Variants in PASD1 observed in about 807,000 individuals in gnomAD.
PASD1 encodes the protein circadian clock protein PASD1.
PASD1 carries 13 observed loss-of-function variants against 58.8 expected under a neutral mutation model. The observed-to-expected ratio is 0.22, with a 90% CI of 0.14 to 0.35. PASD1 has a LOEUF of 0.35. PASD1 is among the 10% of genes least tolerant of loss of function. PASD1 has a pLI of 1.00. For synonymous variants in PASD1, 236 were observed against 216.7 expected (o/e 1.09, Z -0.78); for missense variants, 734 against 568.3 (o/e 1.29, Z -2.96).
chrX:151,672,279 CAGAAGAAGATGCAGG>C lies in PASD1; in HGVS notation c.1544_1558del (p.Met515_Lys519del). 8.6e-7 allele frequency: 1 copy of C among 1,167,534 alleles called. No individual in the cohort carries two copies. Among genetic ancestry groups the C allele is most frequent in the East Asian group, 3.2e-5 (1 of 30,783 alleles). On this transcript the variant is annotated inframe_deletion, in exon 14 of 16. Coordinates refer to ENST00000370357, the MANE Select transcript of PASD1 (RefSeq NM_173493.3). Reference sequence around the variant, plus strand: ...GAGAGAGCAAAGGAAGGTGCAGAAGCAGAAGAAGATGCAGGAGAAGAAGAAGCTGCAGGAGCAGAA... The same window carrying C: ...GAGAGAGCAAAGGAAGGTGCAGAAGCAGAAGAAGAAGCTGCAGGAGCAGAA...
Position 151,672,200 on chromosome X carries a change from A to G in PASD1, c.1455A>G (p.Gln485=). The G allele has an allele frequency of 8.7e-7, 1 of 1,154,899 alleles. No homozygotes were observed. The highest frequency in any genetic ancestry group is 1.2e-6 in the Non-Finnish European group (1 of 869,248). ...CGATGCAGCAGCAACTGGTGCAGCAAGAACAACACCTGAAGGAGCAGCAGC... is the reference window on the plus strand; with the variant it reads ...CGATGCAGCAGCAACTGGTGCAGCAGGAACAACACCTGAAGGAGCAGCAGC... ...VAFNQQQLVQ[Q]EQHLKEQQRQ... The change falls in exon 14 of 16, where the codon CAA becomes CAG. Residue 485 remains glutamine (Q), a synonymous_variant. Coordinates refer to ENST00000370357, the MANE Select transcript of PASD1 (RefSeq NM_173493.3).
chrX:151,664,269 C>T lies in PASD1; in HGVS notation c.992C>T (p.Pro331Leu), dbSNP rs747290804. Residue 331 changes from proline to leucine, a missense_variant, in exon 11 of 16, where the codon CCG (proline) becomes CTG (leucine). Pro to Leu is a moderately conservative substitution (Grantham distance 98). Transcript: ENST00000370357. ...DQQDPENPVA[P>L]LDQAGLMDPV... ...CAGGACCCAGAGAACCCAGTTGCCC[C>T]GTTGGACCAGGCAGGCCTGATGGAT... 4.3e-5 allele frequency: 52 copies of T among 1,209,178 alleles called. No individual in the cohort carries two copies. The highest frequency in any genetic ancestry group is 1.2e-4 in the East Asian group (4 of 33,705).
chrX:151,676,067 A>G lies in PASD1; in HGVS notation c.2246A>G (p.Gln749Arg). The change falls in exon 16 of 16, where the codon CAG becomes CGG. Residue 749 changes from glutamine (Q) to arginine (R), a missense_variant. By Grantham distance (43) the Gln-to-Arg change is conservative. Coordinates refer to ENST00000370357, the MANE Select transcript of PASD1 (RefSeq NM_173493.3). ...PQAFQGPAAY[Q>R]PDQMRSAEQT... ...GCTTTCCAAGGCCCTGCTGCATACC[A>G]GCCAGACCAGATGAGATCTGCGGAG... is the stretch of plus-strand genomic sequence containing the variant. The G allele has an allele frequency of 8.3e-7, 1 of 1,211,375 alleles. No homozygotes were observed.
At chrX:151,568,103 G>T (rs2012874427) in intron 1 of PASD1, among the ~76,000 whole-genome samples, 1 of 112,160 alleles carries the variant, frequency 8.9e-6, no homozygotes, top group Non-Finnish European at 1.9e-5. Context: ...TTTGCCCCTT[G>T]TCCTTTATCA....
chrX:151,571,550 T>G (rs966392195), intron 1 of PASD1, among the ~76,000 whole-genome samples: 5 of 111,722 alleles, frequency 4.5e-5, no homozygotes, highest in Admixed American at 9.5e-5. Context: ...GAACATGTCT[T>G]ATAGAGTCAT....
chrX:151,611,925 T>G (rs779275175), intron 4 of PASD1, among the ~76,000 whole-genome samples, 172 bp downstream of exon 4: 28 of 107,238 alleles, frequency 2.6e-4, no homozygotes, highest in African/African-American at 7.8e-4. Flanking sequence ...CCATTAACTC[T>G]TCATTTAATA....
chrX:151,594,969 G>T (rs2013300168), intron 1 of PASD1, among the ~76,000 whole-genome samples: 1 of 111,680 alleles, frequency 9.0e-6, no homozygotes, highest in South Asian at 3.7e-4. Flanking sequence ...ATGTTTCATT[G>T]TCTTTTGGTT....
At chrX:151,578,788 G>A (rs766894890) in intron 1 of PASD1, among the ~76,000 whole-genome samples, 1 of 112,373 alleles carries the variant, frequency 8.9e-6, no homozygotes, top group Admixed American at 9.4e-5. Flanking sequence ...AGTTCACCTC[G>A]TTGGAGAGAA....
chrX:151,595,023 C>T (rs1297043029), intron 1 of PASD1, among the ~76,000 whole-genome samples: 1 of 111,689 alleles, frequency 9.0e-6, no homozygotes, highest in East Asian at 2.8e-4. Context: ...ATTATTTTTC[C>T]TCCTGTATTA....
intron 1 of PASD1, among the ~76,000 whole-genome samples, chrX:151,590,906 T>C (rs1022778386): frequency 8.9e-6 from 1 of 112,106 alleles, no homozygotes; most frequent in Non-Finnish European, 1.9e-5. Context: ...ATTACAACTT[T>C]AGTGTCATTT....
intron 4 of PASD1, among the ~76,000 whole-genome samples, chrX:151,616,693 C>T (rs1387833498): frequency 9.0e-6 from 1 of 111,243 alleles, no homozygotes; most frequent in Non-Finnish European, 1.9e-5. Context: ...ACTTTTAAAA[C>T]GTACACTACA....
At chrX:151,600,338 AT>A (rs1219237961) in intron 1 of PASD1, among the ~76,000 whole-genome samples, 2 of 109,712 alleles carry the variant, frequency 1.8e-5, no homozygotes, top group East Asian at 5.8e-4. Flanking sequence ...AGGGGGAGAG[AT>A]TATTTCCTTA....
intron 11 of PASD1, among the ~76,000 whole-genome samples, chrX:151,665,298 C>G (rs1170139939): frequency 2.7e-5 from 3 of 112,230 alleles, no homozygotes; most frequent in Admixed American, 9.4e-5. Context: ...CTTATCATGC[C>G]AAAAAGTTGT....
At chrX:151,612,226 A>AT (rs2013573375) in intron 4 of PASD1, among the ~76,000 whole-genome samples, 1 of 95 alleles carries the variant, frequency 0.011, no homozygotes, top group Non-Finnish European at 0.026. Flanking sequence ...CATGTTGGAC[A>AT]TTTGGCTGGT....
intron 1 of PASD1, among the ~76,000 whole-genome samples, chrX:151,596,997 G>A (rs991913591): frequency 1.8e-5 from 2 of 111,940 alleles, no homozygotes; most frequent in African/African-American, 6.5e-5. Flanking sequence ...TTTTTCTAAT[G>A]TGAAAGTATC....
chrX:151,657,834 G>T (rs2014264998), intron 9 of PASD1, among the ~76,000 whole-genome samples: 1 of 24,746 alleles, frequency 4.0e-5, no homozygotes, highest in African/African-American at 1.3e-4. Flanking sequence ...TGATTTTTTT[G>T]GAGGGTTTTT....
chrX:151,653,337 G>GCC (rs2014159279), intron 9 of PASD1, among the ~76,000 whole-genome samples: 1 of 108,847 alleles, frequency 9.2e-6, no homozygotes, highest in Non-Finnish European at 1.9e-5. Flanking sequence ...GATTACAGGC[G>GCC]CATGCCACCA....
intron 9 of PASD1, among the ~76,000 whole-genome samples, chrX:151,653,178 GTGTA>G (rs1271513828): frequency 8.1e-4 from 77 of 95,232 alleles, no homozygotes; most frequent in African/African-American, 2.7e-3. Context: ...ATGTGTGTGT[GTGTA>G]TATATATATA....
intron 8 of PASD1, among the ~76,000 whole-genome samples, chrX:151,628,121 G>A (rs1456083268): frequency 9.0e-6 from 1 of 111,060 alleles, no homozygotes; most frequent in Non-Finnish European, 1.9e-5. Context: ...TGTCAGATGA[G>A]TAGATTGCAA....
Sources: gnomAD v4.1 joint callset for allele counts (sites outside exome capture counted in the v4.1 genomes callset) on GRCh38, gnomAD v4.1.1 for gene constraint, MANE v1.5 for transcripts, NCBI Gene and HGNC (gene_info 2026-07-23, HGNC 2026-07-21) for gene names.